The following DNAH8 variants were observed in gnomAD, a reference collection of about 807,000 sequenced individuals.
The protein encoded by DNAH8 is axonemal beta dynein heavy chain 8.
A neutral mutation model predicts 562.1 loss-of-function variants in DNAH8; 382 were observed. The observed-to-expected ratio is 0.68, with a 90% CI of 0.63 to 0.74. DNAH8 has a LOEUF of 0.74. Among genes scored for constraint, DNAH8 ranks in the 30% least tolerant of loss-of-function variants. DNAH8 has a pLI of 0.00. For missense variants in DNAH8, 5,203 were observed against 5,620.4 expected, an observed-to-expected ratio of 0.93 and a Z score of 2.37; for synonymous variants, 1,881 against 1,919.4, an observed-to-expected ratio of 0.98 and a Z score of 0.52.
In DNAH8 at chr6:38,765,127, C is replaced by A. The variant is rs146663997; in HGVS notation, c.1617+3324C>A. On this transcript the variant is annotated intron_variant, in intron 11 of 92. Transcript: ENST00000327475. ...TTGGGATCACAGGCGTAAGCCACTG[C>A]GCCTGGCCTCATTTGCTCATTTTAA... is the stretch of plus-strand genomic sequence containing the variant. 4.6e-5 allele frequency among the ~76,000 whole-genome samples: 7 copies of A among 152,342 alleles called. No homozygotes were observed. The East Asian group carries it at 1.3e-3, about 29-fold the overall frequency.
intron 10 of DNAH8, among the ~76,000 whole-genome samples, chr6:38,760,162 T>G (rs1466118500): frequency 1.3e-5 from 2 of 152,246 alleles, no homozygotes; most frequent in Non-Finnish European, 2.9e-5. Context: ...TTTCTTTTGC[T>G]GAAAAAATTC....
In DNAH8 at chr6:38,902,139, G is replaced by A. The variant is rs1780120593; in HGVS notation, c.9194+2233G>A. Among the ~76,000 whole-genome samples the A allele has an allele frequency of 2.6e-5, 4 of 152,256 alleles. No homozygotes were observed. The South Asian group carries it at 8.3e-4, about 32-fold the overall frequency. On this transcript the variant is annotated intron_variant, in intron 62 of 92. Transcript: ENST00000327475. ...TAGGAATGACGGAGGCTTAAATTAA[G>A]GCAAATTTATTCACTATATTTTCTT...
intron 52 of DNAH8, among the ~76,000 whole-genome samples, chr6:38,875,004 G>A (rs1323631597): frequency 6.6e-6 from 1 of 152,094 alleles, no homozygotes; most frequent in African/African-American, 2.4e-5. Context: ...TTTCTTAAAG[G>A]GCCAGGTAGT....
intron 79 of DNAH8, among the ~76,000 whole-genome samples, chr6:38,942,892 GA>G (rs1310652291): frequency 1.3e-5 from 2 of 152,216 alleles, no homozygotes; most frequent in African/African-American, 4.8e-5. Flanking sequence ...TGGGTTATTT[GA>G]AAGAGGGTGG....
chr6:38,991,659 C>G (rs1302497671), intron 88 of DNAH8, among the ~76,000 whole-genome samples: 2 of 152,144 alleles, frequency 1.3e-5, no homozygotes, highest in Admixed American at 6.5e-5. Context: ...CACCCTGGCT[C>G]TTTCAGTCCT....
At position 38,899,883 on chromosome 6, in the gene DNAH8, A is replaced by G. The variant is rs1357130132; in HGVS notation, c.9171A>G (p.Gln3057=). Residue 3057 remains glutamine (Q), a synonymous_variant, in exon 62 of 93, where the codon CAA becomes CAG. Transcript: ENST00000327475. ...SRLASFIAGY[Q]IFQITLTRSY... is the part of the protein sequence containing the mutation. The stretch of plus-strand genomic sequence containing the variant: ...TGGCCTCTTTTATTGCTGGCTATCA[A>G]ATATTCCAGATAACATTAACCAGGT... 4 of 1,605,428 alleles carry G rather than the reference A, an allele frequency of 2.5e-6. No individual in the cohort carries two copies. The highest frequency in any genetic ancestry group is 3.4e-6 in the Non-Finnish European group (4 of 1,177,058).
At chr6:38,807,050 G>A (rs1402756850) in intron 23 of DNAH8, among the ~76,000 whole-genome samples, 1 of 152,152 alleles carries the variant, frequency 6.6e-6, no homozygotes, top group African/African-American at 2.4e-5. Context: ...CTGCCTACCA[G>A]GCTCAAAACC....
chr6:38,881,902 C>CT (rs1219211126), intron 53 of DNAH8, among the ~76,000 whole-genome samples: 1 of 152,036 alleles, frequency 6.6e-6, no homozygotes. Flanking sequence ...ACGGTTGACT[C>CT]TTTTTTTGGT....
chr6:38,769,362 C>T (rs1767336384), intron 11 of DNAH8, among the ~76,000 whole-genome samples: 1 of 152,178 alleles, frequency 6.6e-6, no homozygotes, highest in Non-Finnish European at 1.5e-5. Flanking sequence ...AATGCTATCC[C>T]TCCCCTAGCC....
chr6:38,928,666 G>A (rs956678710), intron 74 of DNAH8, among the ~76,000 whole-genome samples: 12 of 151,856 alleles, frequency 7.9e-5, no homozygotes, highest in African/African-American at 2.9e-4. Context: ...TCTCCTAATC[G>A]CCTGTTGTCC....
chr6:38,806,967 G>A lies in DNAH8; in HGVS notation c.3151-643G>A, dbSNP rs117664662. ...CTCAGAGGGGCCGGGTTCTAGAGCAGTGAGGAACAGTATGGCCAGAGCCTT... is the reference window on the plus strand; with the variant it reads ...CTCAGAGGGGCCGGGTTCTAGAGCAATGAGGAACAGTATGGCCAGAGCCTT... On this transcript the variant is annotated intron_variant, in intron 23 of 92. Transcript: ENST00000327475. 2.9e-3 allele frequency among the ~76,000 whole-genome samples: 438 copies of A among 152,222 alleles called. 5 individuals are homozygous for A. The South Asian group carries it at 0.037, about 13-fold the overall frequency.
chr6:38,871,082 C>T (rs1001949239), intron 49 of DNAH8, among the ~76,000 whole-genome samples: 7 of 152,188 alleles, frequency 4.6e-5, no homozygotes, highest in Non-Finnish European at 1.5e-5. Flanking sequence ...GATTGGATTA[C>T]CAGTAGAATC....
chr6:38,892,572 C>T (rs938080314), intron 58 of DNAH8, among the ~76,000 whole-genome samples: 5 of 152,140 alleles, frequency 3.3e-5, no homozygotes, highest in Admixed American at 1.3e-4. Context: ...GAACCTTCCT[C>T]ACCATCCCCC....
intron 24 of DNAH8, among the ~76,000 whole-genome samples, chr6:38,813,383 T>C (rs1294265402): frequency 6.6e-6 from 1 of 152,138 alleles, no homozygotes; most frequent in Non-Finnish European, 1.5e-5. Context: ...GTGGCCTCTA[T>C]GTTTCTTGTG....
chr6:38,823,798 T>C, intron 28 of DNAH8, 110 bp downstream of exon 28: 5 of 516,712 alleles, frequency 9.7e-6, no homozygotes, highest in Non-Finnish European at 1.3e-5. Flanking sequence ...TATACCAAGA[T>C]ATAATAATAA....
rs1583269175 is a variant in DNAH8 at position 38,883,444 on chromosome 6, A to G, written c.8124A>G (p.Pro2708=). The change falls in exon 55 of 93, where the codon CCA becomes CCG. Residue 2708 remains proline, a synonymous_variant. Coordinates refer to ENST00000327475, the MANE Select transcript of DNAH8 (RefSeq NM_001206927.2). ...TAAACTTTTCATCTGCCACAGAACC[A>G]ATGATGTTTCAGGTGAAATCCATCA... ...KSLNFSSATE[P]MMFQRTIESY... 1.2e-6 allele frequency: 2 copies of G among 1,608,150 alleles called. No homozygotes were observed. The highest frequency in any genetic ancestry group is 1.3e-5 in the African/African-American group (1 of 74,874).
intron 61 of DNAH8, 104 bp from the exon 62 acceptor site, chr6:38,899,672 A>G: frequency 7.8e-7 from 1 of 1,274,012 alleles, no homozygotes; most frequent in Non-Finnish European, 1.1e-6. Flanking sequence ...AAAAAGTCTA[A>G]TATCATCTAG....
At chr6:38,850,112 A>AC in intron 37 of DNAH8, 139 bp from the exon 38 acceptor site, 1 of 742,068 alleles carries the variant, frequency 1.3e-6, no homozygotes, top group East Asian at 2.8e-5. Flanking sequence ...TCAAATGAAA[A>AC]AAAATTGTCT....
At chr6:38,912,404 G>A (rs1373993017) in intron 66 of DNAH8, among the ~76,000 whole-genome samples, 1 of 152,198 alleles carries the variant, frequency 6.6e-6, no homozygotes, top group Admixed American at 6.5e-5. Flanking sequence ...GGTCAAGGCT[G>A]CAGTGAACTG....
Sources: gnomAD v4.1 joint callset for allele counts (sites outside exome capture counted in the v4.1 genomes callset) on GRCh38, gnomAD v4.1.1 for gene constraint, MANE v1.5 for transcripts, NCBI Gene and HGNC (gene_info 2026-07-23, HGNC 2026-07-21) for gene names.